Variants in PLPPR1 observed in about 807,000 individuals in gnomAD.
PLPPR1 encodes the protein phospholipid phosphatase related 1.
Under a neutral mutation model 33.1 loss-of-function variants are expected in PLPPR1, and 10 were observed. That is an observed-to-expected ratio of 0.30 (90% CI 0.19 to 0.51). The LOEUF (loss-of-function observed/expected upper bound fraction) is 0.51. Ranked by LOEUF, PLPPR1 falls within the 20% of genes least tolerant of loss-of-function variation. The probability of loss-of-function intolerance (pLI) is 0.97; values close to 1 mark genes in which losing one functional copy is unlikely to be tolerated. For synonymous variants in PLPPR1, 151 were observed against 151.0 expected (o/e 1.00, Z 0.00); for missense variants, 304 against 408.1 (o/e 0.74, Z 2.20).
At chr9:101,137,640 G>A (rs945631270) in intron 1 of PLPPR1, among the ~76,000 whole-genome samples, 1 of 152,160 alleles carries the variant, frequency 6.6e-6, no homozygotes. Context: ...TACTGGACAT[G>A]GCAGCCTGGG....
At chr9:101,175,673 G>A (rs2118697926) in intron 1 of PLPPR1, among the ~76,000 whole-genome samples, 1 of 152,190 alleles carries the variant, frequency 6.6e-6, no homozygotes, top group South Asian at 2.1e-4. Flanking sequence ...GGGATACCTG[G>A]CATAATTTAA....
At chr9:101,079,582 CCT>C (rs1491445495) in intron 1 of PLPPR1, among the ~76,000 whole-genome samples, 4 of 104,128 alleles carry the variant, frequency 3.8e-5, no homozygotes, top group African/African-American at 1.5e-4. Flanking sequence ...ATTTTGATTG[CCT>C]TTTTTTTTTT....
intron 2 of PLPPR1, among the ~76,000 whole-genome samples, chr9:101,185,982 G>A (rs1826196069): frequency 6.6e-6 from 1 of 151,596 alleles, no homozygotes; most frequent in African/African-American, 2.4e-5. Flanking sequence ...TTTTGCCTTG[G>A]AACCCAAATA....
chr9:101,210,331 G>A (rs1232244816), intron 2 of PLPPR1, among the ~76,000 whole-genome samples: 2 of 152,144 alleles, frequency 1.3e-5, no homozygotes, highest in African/African-American at 4.8e-5. Context: ...CAGAAACTTA[G>A]GAATCCTTAA....
intron 7 of PLPPR1, among the ~76,000 whole-genome samples, chr9:101,320,031 A>G (rs545852372): frequency 6.6e-6 from 1 of 152,326 alleles, no homozygotes; most frequent in East Asian, 1.9e-4. Context: ...AGGCCTAGAG[A>G]TGTCCAGACT....
At chr9:101,094,574 C>T (rs547124658) in intron 1 of PLPPR1, among the ~76,000 whole-genome samples, 16 of 152,102 alleles carry the variant, frequency 1.1e-4, no homozygotes, top group African/African-American at 3.9e-4. Flanking sequence ...TTCCTATATC[C>T]CTCAAAACTA....
intron 2 of PLPPR1, among the ~76,000 whole-genome samples, chr9:101,203,789 AAAATT>A (rs1347680455): frequency 3.9e-5 from 3 of 76,434 alleles, no homozygotes; most frequent in South Asian, 6.0e-4. Context: ...TTTTTACTCT[AAAATT>A]AAAAGACAAA....
chr9:101,129,668 A>G (rs1831291860), intron 1 of PLPPR1, among the ~76,000 whole-genome samples: 1 of 152,084 alleles, frequency 6.6e-6, no homozygotes, highest in Non-Finnish European at 1.5e-5. Flanking sequence ...CGTCTCTACT[A>G]AAAATACAAA....
At chr9:101,250,603 A>G (rs1483960860) in intron 2 of PLPPR1, among the ~76,000 whole-genome samples, 1 of 151,992 alleles carries the variant, frequency 6.6e-6, no homozygotes, top group Non-Finnish European at 1.5e-5. Context: ...TTCCAGACTA[A>G]TGTCCTGCTC....
intron 2 of PLPPR1, among the ~76,000 whole-genome samples, chr9:101,265,234 C>G (rs1295484555): frequency 6.6e-6 from 1 of 152,158 alleles, no homozygotes; most frequent in Non-Finnish European, 1.5e-5. Flanking sequence ...TCTGAAGCCT[C>G]GTGGAATGAT....
At chr9:101,206,401 A>G (rs956218880) in intron 2 of PLPPR1, among the ~76,000 whole-genome samples, 1 of 152,172 alleles carries the variant, frequency 6.6e-6, no homozygotes, top group Non-Finnish European at 1.5e-5. Context: ...CTGAAAATGC[A>G]TAGTAAAATG....
intron 1 of PLPPR1, among the ~76,000 whole-genome samples, chr9:101,136,454 T>C (rs1311427867): frequency 1.3e-5 from 2 of 152,220 alleles, no homozygotes; most frequent in Admixed American, 6.5e-5. Context: ...ATTTAACACA[T>C]GGTTTGTATG....
chr9:101,194,856 G>A (rs1826368249), intron 2 of PLPPR1, among the ~76,000 whole-genome samples: 4 of 152,072 alleles, frequency 2.6e-5, no homozygotes, highest in Admixed American at 2.0e-4. Flanking sequence ...AGTTGCAGAT[G>A]TTAGGAAATT....
chr9:101,125,672 A>G (rs570713589), intron 1 of PLPPR1: 44 of 621,370 alleles, frequency 7.1e-5, no homozygotes, highest in South Asian at 7.0e-4. Flanking sequence ...CATATTTAGC[A>G]AAACAATGAC....
intron 1 of PLPPR1, among the ~76,000 whole-genome samples, chr9:101,136,080 C>T (rs1412474135): frequency 6.6e-6 from 1 of 152,194 alleles, no homozygotes; most frequent in South Asian, 2.1e-4. Flanking sequence ...CTCTCCTTCA[C>T]CTCTGAGTGG....
intron 3 of PLPPR1, among the ~76,000 whole-genome samples, chr9:101,284,968 A>G (rs1033544385): frequency 8.5e-5 from 13 of 152,186 alleles, no homozygotes; most frequent in African/African-American, 2.7e-4. Flanking sequence ...ATTGACGTGT[A>G]TACTAATTCC....
chr9:101,114,147 G>T (rs1831091967), intron 1 of PLPPR1, among the ~76,000 whole-genome samples: 1 of 152,158 alleles, frequency 6.6e-6, no homozygotes, highest in Admixed American at 6.5e-5. Flanking sequence ...AAAAAAAGAG[G>T]AATCTTCTCA....
chr9:101,321,251 G>T (rs894787624), intron 7 of PLPPR1, among the ~76,000 whole-genome samples: 3 of 152,104 alleles, frequency 2.0e-5, no homozygotes, highest in Admixed American at 2.0e-4. Context: ...GATGGGGAGG[G>T]CATCAGTCAC....
intron 2 of PLPPR1, among the ~76,000 whole-genome samples, chr9:101,223,624 G>A (rs62576892): frequency 0.021 from 3,236 of 152,152 alleles, 40 homozygotes; most frequent in Middle Eastern, 0.068. Context: ...TCATGGTAGT[G>A]AGTGACTCTC....
Sources: allele counts gnomAD v4.1 joint callset (sites outside exome capture counted in the v4.1 genomes callset), GRCh38; gene constraint gnomAD v4.1.1; transcripts MANE v1.5; gene names NCBI Gene and HGNC (gene_info 2026-07-23, HGNC 2026-07-21).